The following HYDIN variants were observed in gnomAD, a reference collection of about 807,000 sequenced individuals.
The protein encoded by HYDIN is axonemal central pair apparatus protein HYDIN.
In HYDIN, 132 loss-of-function variants were observed where a neutral mutation model predicts 403.9. That is an observed-to-expected ratio of 0.33 (90% confidence interval 0.28 to 0.38). HYDIN has a LOEUF of 0.38. Ranked by LOEUF, HYDIN falls within the 10% of genes least tolerant of loss-of-function variation. HYDIN has a pLI of 1.00. For missense variants in HYDIN, 2,827 were observed against 5,009.5 expected (o/e 0.56, Z 13.15); for synonymous variants, 1,202 against 1,891.7 (o/e 0.64, Z 9.46).
chr16:71,086,331 GTTTA>G (rs2082930067), intron 12 of HYDIN, among the ~76,000 whole-genome samples: 1 of 151,804 alleles, frequency 6.6e-6, no homozygotes, highest in African/African-American at 2.4e-5. Context: ...CTCAATAAGA[GTTTA>G]TTTAACAAAT....
At chr16:71,216,931 T>C (rs925598212) in intron 1 of HYDIN, among the ~76,000 whole-genome samples, 2 of 152,182 alleles carry the variant, frequency 1.3e-5, no homozygotes, top group African/African-American at 4.8e-5. Flanking sequence ...CTCTCTCCAC[T>C]GTATCAGTGA....
At chr16:71,045,609 T>A (rs1473966774) in intron 18 of HYDIN, among the ~76,000 whole-genome samples, 1 of 138,518 alleles carries the variant, frequency 7.2e-6, no homozygotes, top group Non-Finnish European at 1.6e-5. Context: ...GTGAAAGGTG[T>A]CAGATCAAAT....
In HYDIN at chr16:70,860,689, C is replaced by G. The variant is rs998954631; in HGVS notation, c.11990G>C (p.Arg3997Pro). The change falls in exon 70 of 86, where the codon CGG (arginine) becomes CCG (proline). Residue 3997 changes from arginine (R) to proline (P), a missense_variant and splice_region_variant. Transcript: ENST00000393567. ...ATCAATGTAAACCTAAGCAACTCAC[C>G]GGAGATTCTTCCCTCCTATGCCCAC... ...TTVGIGGKNL[R>P]TFTILNPTNS... 1 of 535,836 alleles carries G rather than the reference C, an allele frequency of 1.9e-6. No individual in the cohort carries two copies. Among genetic ancestry groups the G allele is most frequent in the Non-Finnish European group, 3.2e-6 (1 of 314,380 alleles). The allele number at this position is 535,836 out of a possible 1,614,324, so 33.2% of individuals were successfully genotyped here. A position where few individuals can be genotyped will look rare whatever the true frequency, so the allele number is the denominator to read the frequency against.
At position 70,900,642 on chromosome 16, in the gene HYDIN, T is replaced by C. The variant is rs1395676118; in HGVS notation, c.9048+362A>G. Among the ~76,000 whole-genome samples, 10 of 148,994 alleles carry C rather than the reference T, an allele frequency of 6.7e-5. 1 individual carries two copies. The East Asian group carries it at 1.2e-3, about 18-fold the overall frequency. On this transcript the variant is annotated intron_variant, in intron 53 of 85. Coordinates refer to ENST00000393567, the MANE Select transcript of HYDIN (RefSeq NM_001270974.2). ...GACATTTCCCCAGATAGGAATCCGA[T>C]AGGTGACTGGGTTTAGGAGTGTGAA... is the stretch of plus-strand genomic sequence containing the variant.
intron 1 of HYDIN, among the ~76,000 whole-genome samples, chr16:71,190,346 TAA>T (rs11330665): frequency 8.8e-5 from 13 of 147,944 alleles, no homozygotes; most frequent in Middle Eastern, 3.4e-3. Flanking sequence ...AATTTGAGCA[TAA>T]AAAAAAAAAA....
intron 7 of HYDIN, among the ~76,000 whole-genome samples, chr16:71,141,294 A>ACT (rs2085161085): frequency 6.6e-6 from 1 of 151,446 alleles, no homozygotes; most frequent in African/African-American, 2.4e-5. Flanking sequence ...ATATGAAAAA[A>ACT]CATATCTCAT....
Position 70,806,079 on chromosome 16 carries a change from A to G in HYDIN, c.*1501T>C, listed in dbSNP as rs1297825606. Among the ~76,000 whole-genome samples the G allele has an allele frequency of 1.3e-5, 2 of 152,194 alleles. No individual in the cohort carries two copies. Among genetic ancestry groups the G allele is most frequent in the African/African-American group, 2.4e-5 (1 of 41,448 alleles). On this transcript the variant is annotated 3_prime_UTR_variant, in exon 86 of 86. Coordinates refer to ENST00000393567, the MANE Select transcript of HYDIN (RefSeq NM_001270974.2). Reference sequence around the variant, plus strand: ...CATGGGATCGCAATGCTTGTGTTCAAGGAAACCTTATTTAGTTTAATAATG... The same window carrying G: ...CATGGGATCGCAATGCTTGTGTTCAGGGAAACCTTATTTAGTTTAATAATG...
At chr16:70,979,185 T>C in intron 29 of HYDIN, 144 bp from the exon 30 acceptor site, 3 of 1,060,538 alleles carry the variant, frequency 2.8e-6, no homozygotes, top group Non-Finnish European at 4.0e-6. Context: ...TCTGCCCCGC[T>C]TTCCCTGCTT....
Position 70,855,192 on chromosome 16 carries a change from A to G in HYDIN, c.12379T>C (p.Ser4127Pro), listed in dbSNP as rs752080404. The change falls in exon 73 of 86, where the codon TCT becomes CCT. Residue 4127 changes from serine (S) to proline (P), a missense_variant. Coordinates refer to ENST00000393567, the MANE Select transcript of HYDIN (RefSeq NM_001270974.2). ...AGCAGGCTGTTGCTGAAACCTTCAGAATAGCGGGAGTTGTCCTGGAAGGAA... is the reference window on the plus strand; with the variant it reads ...AGCAGGCTGTTGCTGAAACCTTCAGGATAGCGGGAGTTGTCCTGGAAGGAA... ...DFSFQDNSRY[S>P]EGFSNSLLVC... 1 of 1,504,076 alleles carries G rather than the reference A, an allele frequency of 6.6e-7. No homozygotes were observed. Among genetic ancestry groups the G allele is most frequent in the Admixed American group, 1.7e-5 (1 of 58,008 alleles). 93.2% of individuals were successfully genotyped at this position (1,504,076 alleles called of 1,614,324 possible).
At position 71,186,907 on chromosome 16, in the gene HYDIN, T is replaced by A; in HGVS notation, c.-12A>T. ...CTTCTACTTGTCATTTTTAGTAATT[T>A]TTTTTTCTCACCTAAGAGTGAAACA... On this transcript the variant is annotated 5_prime_UTR_variant, in exon 2 of 86. Transcript: ENST00000393567. The A allele has an allele frequency of 6.2e-7, 1 of 1,606,752 alleles. No homozygotes were observed. The highest frequency in any genetic ancestry group is 8.5e-7 in the Non-Finnish European group (1 of 1,176,558).
chr16:71,071,593 TATA>T (rs1020229605), intron 13 of HYDIN, among the ~76,000 whole-genome samples: 1 of 151,212 alleles, frequency 6.6e-6, no homozygotes, highest in African/African-American at 2.4e-5. Context: ...CCAATACTTG[TATA>T]ATGTTTTAAA....
chr16:71,037,265 G>A (rs1034421198), intron 18 of HYDIN, among the ~76,000 whole-genome samples: 3 of 144,024 alleles, frequency 2.1e-5, no homozygotes, highest in East Asian at 2.0e-4. Context: ...GAAAGCTATC[G>A]TCATCATTTT....
chr16:71,081,496 A>C (rs1397858241), intron 12 of HYDIN, among the ~76,000 whole-genome samples: 1 of 152,156 alleles, frequency 6.6e-6, no homozygotes, highest in African/African-American at 2.4e-5. Context: ...TTTAGGGACC[A>C]AAGTAACAAA....
intron 53 of HYDIN, among the ~76,000 whole-genome samples, chr16:70,899,174 G>A (rs1304429619): frequency 6.6e-6 from 1 of 152,158 alleles, no homozygotes; most frequent in Non-Finnish European, 1.5e-5. Flanking sequence ...TGATGGTATG[G>A]GGAGTTGAAC....
At chr16:70,885,011 C>T (rs916779535) in intron 58 of HYDIN, among the ~76,000 whole-genome samples, 1 of 152,242 alleles carries the variant, frequency 6.6e-6, no homozygotes, top group African/African-American at 2.4e-5. Flanking sequence ...AGGACTTCAT[C>T]TATCCGAGGC....
intron 5 of HYDIN, among the ~76,000 whole-genome samples, chr16:71,169,001 C>A (rs2086356392): frequency 6.6e-6 from 1 of 152,170 alleles, no homozygotes; most frequent in African/African-American, 2.4e-5. Context: ...AATTCCACTT[C>A]TGGGTATATA....
At chr16:70,950,483 C>G (rs1048915773) in intron 41 of HYDIN, among the ~76,000 whole-genome samples, 5 of 151,682 alleles carry the variant, frequency 3.3e-5, no homozygotes, top group African/African-American at 1.2e-4. Context: ...GCCTTGAACT[C>G]CTGGCCTAAA....
At chr16:71,069,651 T>C (rs904678935) in intron 13 of HYDIN, 149 bp from the exon 14 acceptor site, 3 of 648,740 alleles carry the variant, frequency 4.6e-6, no homozygotes, top group Non-Finnish European at 7.8e-6. Context: ...ATATTATTTT[T>C]ATTGTTTCAT....
chr16:71,216,947 A>G (rs2088911807), intron 1 of HYDIN, among the ~76,000 whole-genome samples: 1 of 152,212 alleles, frequency 6.6e-6, no homozygotes, highest in Non-Finnish European at 1.5e-5. Context: ...AGTGAGGACT[A>G]GACATCCCTT....
Sources: gnomAD v4.1 joint callset for allele counts (sites outside exome capture counted in the v4.1 genomes callset) on GRCh38, gnomAD v4.1.1 for gene constraint, MANE v1.5 for transcripts, NCBI Gene and HGNC (gene_info 2026-07-23, HGNC 2026-07-21) for gene names.